Variants in TNNI3K observed in about 807,000 individuals in gnomAD.
The protein encoded by TNNI3K is TNNI3 interacting kinase.
In TNNI3K, 140 loss-of-function variants were observed where a neutral mutation model predicts 114.5. The ratio of observed to expected loss-of-function variants is 1.22; its 90% CI spans 1.07 to 1.41. TNNI3K has a LOEUF of 1.41. TNNI3K is among the 40% of genes most tolerant of loss of function. The pLI is 0.00. For missense variants in TNNI3K, 1,125 were observed against 1,007.6 expected, an observed-to-expected ratio of 1.12 and a Z score of -1.58; for synonymous variants, 347 against 347.5, an observed-to-expected ratio of 1.00 and a Z score of 0.02.
intron 9 of TNNI3K, among the ~76,000 whole-genome samples, chr1:74,348,828 AT>A (rs1243969164): frequency 6.6e-6 from 1 of 152,056 alleles, no homozygotes; most frequent in African/African-American, 2.4e-5. Flanking sequence ...AATGCTTGTG[AT>A]TTTTGCACAT....
intron 21 of TNNI3K, among the ~76,000 whole-genome samples, chr1:74,466,196 C>T (rs1024134866): frequency 2.6e-5 from 4 of 152,280 alleles, no homozygotes; most frequent in African/African-American, 7.2e-5. Flanking sequence ...CGTGGGTGTG[C>T]GGCTTCATTC....
chr1:74,307,178 T>C (rs1405189453), intron 5 of TNNI3K, among the ~76,000 whole-genome samples: 1 of 152,178 alleles, frequency 6.6e-6, no homozygotes, highest in African/African-American at 2.4e-5. Flanking sequence ...CAAAAGCACA[T>C]GTAAGTACAA....
At chr1:74,336,208 T>G in intron 7 of TNNI3K, 59 bp downstream of exon 7, 3 of 1,537,882 alleles carry the variant, frequency 2.0e-6, no homozygotes, top group Non-Finnish European at 2.6e-6. Flanking sequence ...ACCTTTTACT[T>G]GTACTTCTCT....
At chr1:74,531,946 T>G (rs970834426) in intron 23 of TNNI3K, among the ~76,000 whole-genome samples, 2 of 152,192 alleles carry the variant, frequency 1.3e-5, no homozygotes, top group Non-Finnish European at 2.9e-5. Context: ...TCCAAATGGC[T>G]AAATCATCCA....
intron 3 of TNNI3K, among the ~76,000 whole-genome samples, chr1:74,249,916 A>T (rs766457353): frequency 2.0e-5 from 3 of 152,190 alleles, no homozygotes; most frequent in African/African-American, 4.8e-5. Flanking sequence ...GTATGTGGAA[A>T]AGTGATAAAT....
intron 21 of TNNI3K, 27 bp from the exon 22 acceptor site, chr1:74,489,162 G>GA (rs944483618): frequency 6.3e-7 from 1 of 1,595,400 alleles, no homozygotes; most frequent in African/African-American, 1.4e-5. Flanking sequence ...ATTCTTAAGG[G>GA]AAAAAAGTTC....
intron 4 of TNNI3K, among the ~76,000 whole-genome samples, chr1:74,264,733 A>T (rs1000894713): frequency 3.9e-5 from 6 of 152,062 alleles, no homozygotes; most frequent in African/African-American, 1.4e-4. Flanking sequence ...AACCCTGCAG[A>T]TAAAGAAATG....
chr1:74,435,041 A>G (rs1666061485), intron 17 of TNNI3K, among the ~76,000 whole-genome samples: 2 of 152,062 alleles, frequency 1.3e-5, no homozygotes, highest in East Asian at 1.9e-4. Flanking sequence ...TAAATATAAT[A>G]TAGCCCATAT....
intron 23 of TNNI3K, among the ~76,000 whole-genome samples, chr1:74,494,979 G>A (rs1201800699): frequency 6.6e-6 from 1 of 152,168 alleles, no homozygotes; most frequent in Non-Finnish European, 1.5e-5. Flanking sequence ...GGGTGGAGGG[G>A]ACAGAGCTTC....
chr1:74,287,429 T>A (rs1271256053), intron 5 of TNNI3K, among the ~76,000 whole-genome samples: 1 of 151,994 alleles, frequency 6.6e-6, no homozygotes, highest in Non-Finnish European at 1.5e-5. Context: ...TTCTCAGAAA[T>A]CAAAGACAGA....
At chr1:74,497,408 C>T (rs542652345) in intron 23 of TNNI3K, among the ~76,000 whole-genome samples, 1 of 151,986 alleles carries the variant, frequency 6.6e-6, no homozygotes, top group African/African-American at 2.4e-5. Context: ...TCTTTCTATC[C>T]TCTCTCCATC....
Position 74,409,819 on chromosome 1 carries a change from TG to T in TNNI3K, c.1773-26260del, listed in dbSNP as rs200734277. Among the ~76,000 whole-genome samples, 469 of 152,252 alleles carry T rather than the reference TG, an allele frequency of 3.1e-3. 6 individuals are homozygous for T. Among genetic ancestry groups the T allele is most frequent in the African/African-American group, 0.01 (435 of 41,564 alleles). ...TTTCTTTTATATTTATTATTACATT[TG>T]TGCACATCTCAAATTGTGGGGTGTA... On this transcript the variant is annotated intron_variant, in intron 17 of 24. Coordinates refer to ENST00000326637, the MANE Select transcript of TNNI3K (RefSeq NM_015978.3).
intron 23 of TNNI3K, among the ~76,000 whole-genome samples, chr1:74,532,722 G>C (rs1646606037): frequency 6.7e-6 from 1 of 150,050 alleles, no homozygotes; most frequent in Non-Finnish European, 1.5e-5. Context: ...CAGAGATATA[G>C]ATCAATGGAA....
At chr1:74,472,838 AT>A (rs1265066867) in intron 21 of TNNI3K, among the ~76,000 whole-genome samples, 26 of 152,266 alleles carry the variant, frequency 1.7e-4, no homozygotes, top group Middle Eastern at 3.4e-3. Context: ...ACAGATTAAT[AT>A]AATATTTAAT....
At chr1:74,247,337 T>C (rs1432568100) in intron 2 of TNNI3K, among the ~76,000 whole-genome samples, 1 of 152,136 alleles carries the variant, frequency 6.6e-6, no homozygotes, top group East Asian at 1.9e-4. Context: ...TTTGTGATCT[T>C]GCTGGCTTCA....
chr1:74,408,992 CAAAAA>C (rs34316748), intron 17 of TNNI3K, among the ~76,000 whole-genome samples: 2 of 134,346 alleles, frequency 1.5e-5, no homozygotes, highest in Non-Finnish European at 3.3e-5. Flanking sequence ...CTCCATATAA[CAAAAA>C]AAAAAAAAAT....
Position 74,261,868 on chromosome 1 carries a change from A to G in TNNI3K, c.334-9730A>G, listed in dbSNP as rs530571549. Among the ~76,000 whole-genome samples, 4 of 152,262 alleles carry G rather than the reference A, an allele frequency of 2.6e-5. No homozygotes were observed. The East Asian group carries it at 7.7e-4, about 29-fold the overall frequency. On this transcript the variant is annotated intron_variant, in intron 4 of 24. Transcript: ENST00000326637. ...AAGATTTAATTCCTATCATTCAGAA[A>G]CAACTCATTTTATATATGTATTACA...
chr1:74,461,500 G>GTCA (rs1667455029), intron 20 of TNNI3K, among the ~76,000 whole-genome samples: 1 of 141,882 alleles, frequency 7.0e-6, no homozygotes, highest in African/African-American at 2.7e-5. Context: ...AAAAAAAAAA[G>GTCA]AGTAACCAGT....
chr1:74,368,052 A>C (rs1300643250), intron 13 of TNNI3K, 88 bp downstream of exon 13: 1 of 1,220,784 alleles, frequency 8.2e-7, no homozygotes, highest in Non-Finnish European at 1.1e-6. Flanking sequence ...TTTACATATT[A>C]CAAATGATGA....
Sources: allele counts gnomAD v4.1 joint callset (sites outside exome capture counted in the v4.1 genomes callset), GRCh38; gene constraint gnomAD v4.1.1; transcripts MANE v1.5; gene names NCBI Gene and HGNC (gene_info 2026-07-23, HGNC 2026-07-21).